THSD7B: variants seen among roughly 807,000 people sequenced by gnomAD.
The protein encoded by THSD7B is thrombospondin type 1 domain containing 7B, also known as thrombospondin type-1 domain-containing protein 7B.
Under a neutral mutation model 213.6 loss-of-function variants are expected in THSD7B, and 138 were observed. That is an observed-to-expected ratio of 0.65 (90% CI 0.56 to 0.74). THSD7B has a LOEUF of 0.74. THSD7B is among the 30% of genes least tolerant of loss of function. The probability of loss-of-function intolerance (pLI) is 0.00; values close to 1 mark genes in which losing one functional copy is unlikely to be tolerated. For missense variants in THSD7B, 1,931 were observed against 1,991.5 expected (o/e 0.97, Z 0.58); for synonymous variants, 742 against 687.0 (o/e 1.08, Z -1.25).
chr2:136,895,512 GAC>G (rs1683941819), intron 2 of THSD7B, among the ~76,000 whole-genome samples: 1 of 84,738 alleles, frequency 1.2e-5, no homozygotes. Flanking sequence ...GCCAAGTGGA[GAC>G]TTTTTTTTTT....
chr2:137,291,648 G>A (rs887221091), intron 12 of THSD7B, among the ~76,000 whole-genome samples: 1 of 152,156 alleles, frequency 6.6e-6, no homozygotes, highest in Non-Finnish European at 1.5e-5. Context: ...AAGGGGAACT[G>A]TGCTTATGAG....
Position 136,870,176 on chromosome 2 carries a change from T to G in THSD7B, c.-35-11968T>G, listed in dbSNP as rs188919403. The stretch of plus-strand genomic sequence containing the variant: ...ATCATTACCTGTGTGTTTGTATGTA[T>G]GCATACCTTCCAAATGTTGGTATTT... On this transcript the variant is annotated intron_variant, in intron 1 of 27. Transcript: ENST00000409968. 1.7e-3 allele frequency among the ~76,000 whole-genome samples: 258 copies of G among 152,308 alleles called. 1 individual carries two copies. The highest frequency in any genetic ancestry group is 6.1e-3 in the African/African-American group (252 of 41,556).
chr2:137,668,463 T>C (rs1472552281), intron 27 of THSD7B, among the ~76,000 whole-genome samples: 3 of 148,338 alleles, frequency 2.0e-5, no homozygotes, highest in Non-Finnish European at 4.5e-5. Flanking sequence ...AAAAAACCAT[T>C]TTGTAAAGTG....
chr2:137,104,527 A>G (rs371642420), intron 4 of THSD7B, among the ~76,000 whole-genome samples: 2 of 152,200 alleles, frequency 1.3e-5, no homozygotes, highest in African/African-American at 4.8e-5. Flanking sequence ...CAAATTCAAA[A>G]GCTAACAGAA....
chr2:136,841,593 C>CAAA (rs534991799), intron 1 of THSD7B, among the ~76,000 whole-genome samples: 3,338 of 93,002 alleles, frequency 0.036, 184 homozygotes, highest in African/African-American at 0.091. Context: ...AAGACTCCAT[C>CAAA]AAAAAAAAAA....
chr2:137,387,716 C>T (rs1041806569), intron 12 of THSD7B, among the ~76,000 whole-genome samples: 1 of 151,882 alleles, frequency 6.6e-6, no homozygotes, highest in Non-Finnish European at 1.5e-5. Context: ...TCTGAAGGAC[C>T]CAGGATTTAA....
intron 1 of THSD7B, among the ~76,000 whole-genome samples, chr2:136,830,568 G>A (rs187914942): frequency 2.3e-4 from 35 of 152,252 alleles, no homozygotes; most frequent in African/African-American, 7.9e-4. Context: ...TGGGGATACT[G>A]TAATGTTTTC....
intron 20 of THSD7B, among the ~76,000 whole-genome samples, chr2:137,620,937 C>G (rs1473139250): frequency 6.6e-6 from 1 of 152,110 alleles, no homozygotes; most frequent in African/African-American, 2.4e-5. Context: ...GTGGCAGACT[C>G]CAGAGAGGCT....
intron 1 of THSD7B, among the ~76,000 whole-genome samples, chr2:136,836,514 C>T (rs934381849): frequency 2.6e-5 from 4 of 152,174 alleles, no homozygotes; most frequent in Admixed American, 6.6e-5. Context: ...CACCTTGCGA[C>T]CTAACATCCT....
intron 12 of THSD7B, among the ~76,000 whole-genome samples, chr2:137,399,683 CT>C (rs1686305510): frequency 6.6e-6 from 1 of 151,802 alleles, no homozygotes; most frequent in African/African-American, 2.4e-5. Context: ...TGATTTTTTT[CT>C]TTTTTTGCAG....
chr2:137,095,803 C>T (rs1688029674), intron 4 of THSD7B, among the ~76,000 whole-genome samples: 1 of 152,104 alleles, frequency 6.6e-6, no homozygotes, highest in Admixed American at 6.6e-5. Context: ...TCAAGAAATC[C>T]TCCCATCTCA....
intron 12 of THSD7B, among the ~76,000 whole-genome samples, chr2:137,366,415 C>T (rs1685409554): frequency 6.6e-6 from 1 of 151,446 alleles, no homozygotes; most frequent in Non-Finnish European, 1.5e-5. Context: ...GAATTTTAAG[C>T]CTCAGTTTTC....
Position 136,964,864 on chromosome 2 carries a change from G to A in THSD7B, c.139+82547G>A, listed in dbSNP as rs375800292. ...AAAAATACAAAAATTAGCCGGGTGC[G>A]GTGGCACACGCCTGTAGTTCCAGCT... On this transcript the variant is annotated intron_variant, in intron 2 of 27. Coordinates refer to ENST00000409968, the MANE Select transcript of THSD7B (RefSeq NM_001316349.2). Among the ~76,000 whole-genome samples the A allele has an allele frequency of 1.4e-4, 22 of 152,084 alleles. 1 individual carries two copies. In the South Asian group the frequency reaches 2.9e-3, roughly 20 times the overall value.
At chr2:136,817,542 A>G (rs554170137) in intron 1 of THSD7B, among the ~76,000 whole-genome samples, 4 of 150,562 alleles carry the variant, frequency 2.7e-5, no homozygotes, top group African/African-American at 9.8e-5. Context: ...TTTTTGTATA[A>G]GGTGTAAGGA....
intron 12 of THSD7B, among the ~76,000 whole-genome samples, chr2:137,402,025 G>A (rs1686378141): frequency 6.6e-6 from 1 of 152,304 alleles, no homozygotes; most frequent in African/African-American, 2.4e-5. Flanking sequence ...TGAGGAGAAT[G>A]TGTGTACATA....
chr2:136,983,472 C>T (rs1685622298), intron 2 of THSD7B, among the ~76,000 whole-genome samples: 1 of 149,522 alleles, frequency 6.7e-6, no homozygotes, highest in Non-Finnish European at 1.5e-5. Context: ...TTGGAGTTGA[C>T]AATACTTCAG....
chr2:137,191,790 T>C (rs908369562), intron 7 of THSD7B, among the ~76,000 whole-genome samples: 1 of 152,150 alleles, frequency 6.6e-6, no homozygotes, highest in Non-Finnish European at 1.5e-5. Context: ...CTTCAGCAGC[T>C]GTGGATCATA....
chr2:137,268,867 T>G (rs773612513), intron 10 of THSD7B, among the ~76,000 whole-genome samples: 2 of 152,154 alleles, frequency 1.3e-5, no homozygotes, highest in Non-Finnish European at 2.9e-5. Flanking sequence ...CTATCTCAAG[T>G]GTACACTGCC....
intron 7 of THSD7B, among the ~76,000 whole-genome samples, chr2:137,196,309 A>C (rs140501508): frequency 1.2e-3 from 186 of 151,976 alleles, no homozygotes; most frequent in African/African-American, 4.3e-3. Context: ...TTCTAAGCTC[A>C]AAAATAAGAT....
Sources: gnomAD v4.1 joint callset for allele counts (sites outside exome capture counted in the v4.1 genomes callset) on GRCh38, gnomAD v4.1.1 for gene constraint, MANE v1.5 for transcripts, NCBI Gene and HGNC (gene_info 2026-07-23, HGNC 2026-07-21) for gene names.